Variants in GRM8 observed in about 807,000 individuals in gnomAD.
GRM8 encodes glutamate metabotropic receptor 8.
A neutral mutation model predicts 87.2 loss-of-function variants in GRM8; 47 were observed. The ratio of observed to expected loss-of-function variants is 0.54; its 90% CI spans 0.43 to 0.69. The LOEUF (loss-of-function observed/expected upper bound fraction) is 0.69, where lower values mean the gene tolerates loss of function less well. GRM8 is among the 30% of genes least tolerant of loss of function. GRM8 has a pLI of 0.00. For synonymous variants in GRM8, 396 were observed against 404.5 expected (o/e 0.98, Z 0.25); for missense variants, 1,019 against 1,139.2 (o/e 0.89, Z 1.52).
rs80149896 is a variant in GRM8, at chr7:127,198,605, C to T, written c.510+44090G>A. On this transcript the variant is annotated intron_variant, in intron 2 of 10. Transcript: ENST00000339582. ...GTGGGTTTTTGTTGTTTTGTTTGTC[C>T]ATTAGCCAAGTCAGAATATGACCTC... is the stretch of plus-strand genomic sequence containing the variant. Among the ~76,000 whole-genome samples the T allele has an allele frequency of 1.8e-3, 273 of 152,082 alleles. 1 individual carries two copies. Among genetic ancestry groups the T allele is most frequent in the African/African-American group, 6.1e-3 (254 of 41,490 alleles).
At chr7:126,743,608 T>A (rs1459567644) in intron 7 of GRM8, among the ~76,000 whole-genome samples, 1 of 152,182 alleles carries the variant, frequency 6.6e-6, no homozygotes, top group Non-Finnish European at 1.5e-5. Context: ...GTATTACTTT[T>A]AAAAAATTAT....
At chr7:126,776,767 C>T (rs912531365) in intron 6 of GRM8, among the ~76,000 whole-genome samples, 2 of 152,158 alleles carry the variant, frequency 1.3e-5, no homozygotes, top group African/African-American at 4.8e-5. Context: ...AACATGATCT[C>T]TCTGGCTTTT....
chr7:126,661,431 C>A (rs1056227373), intron 7 of GRM8, among the ~76,000 whole-genome samples: 1 of 152,050 alleles, frequency 6.6e-6, no homozygotes, highest in Non-Finnish European at 1.5e-5. Flanking sequence ...TCTAAGTGTA[C>A]CCTTGTAAAA....
intron 7 of GRM8, among the ~76,000 whole-genome samples, chr7:126,713,828 A>G (rs1315833273): frequency 2.6e-5 from 4 of 152,068 alleles, no homozygotes; most frequent in Non-Finnish European, 2.9e-5. Context: ...GGTAACCACT[A>G]CACACTGTAT....
chr7:126,461,607 T>C (rs1803906436), intron 9 of GRM8, among the ~76,000 whole-genome samples: 1 of 151,690 alleles, frequency 6.6e-6, no homozygotes, highest in South Asian at 2.1e-4. Flanking sequence ...TGAAACTGTC[T>C]TAACATTCAA....
intron 6 of GRM8, among the ~76,000 whole-genome samples, chr7:126,889,935 G>C (rs3873803): frequency 1.1e-3 from 162 of 152,108 alleles, no homozygotes; most frequent in Non-Finnish European, 1.8e-3. Context: ...TAGAAAATCC[G>C]ATCCAAAATG....
chr7:126,455,768 G>A (rs1454363386), intron 9 of GRM8, among the ~76,000 whole-genome samples: 1 of 151,662 alleles, frequency 6.6e-6, no homozygotes, highest in Non-Finnish European at 1.5e-5. Flanking sequence ...TTGCTGCATA[G>A]GCACCATTCC....
At chr7:126,791,704 C>T (rs1821352115) in intron 6 of GRM8, among the ~76,000 whole-genome samples, 2 of 152,180 alleles carry the variant, frequency 1.3e-5, no homozygotes, top group Admixed American at 6.5e-5. Flanking sequence ...GAAGAAATAG[C>T]TCTTGGTCAC....
chr7:127,243,172 G>A lies in GRM8; in HGVS notation c.33C>T (p.Cys11=). 1 of 1,611,852 alleles carries A rather than the reference G, an allele frequency of 6.2e-7. No individual in the cohort carries two copies. The change falls in exon 2 of 11, where the codon TGC becomes TGT. Residue 11 remains cysteine (C), a synonymous_variant. Transcript: ENST00000339582. Reference sequence around the variant, plus strand: ...TGGCGGTCAAGAGGAAGAAACAAGGGCAAGAGGCTGATCGCTTTCCCTCGC... The same window carrying A: ...TGGCGGTCAAGAGGAAGAAACAAGGACAAGAGGCTGATCGCTTTCCCTCGC... MVCEGKRSAS[C]PCFFLLTAKF...
chr7:126,912,386 T>C (rs946549337), intron 3 of GRM8, among the ~76,000 whole-genome samples: 3 of 152,174 alleles, frequency 2.0e-5, no homozygotes, highest in African/African-American at 7.2e-5. Context: ...ACATTGATCT[T>C]CTCCTGCTCT....
chr7:126,581,277 G>A (rs1795582667), intron 8 of GRM8, among the ~76,000 whole-genome samples: 1 of 152,152 alleles, frequency 6.6e-6, no homozygotes, highest in South Asian at 2.1e-4. Flanking sequence ...ATGCCCAAAA[G>A]GGTAGCAGAA....
intron 7 of GRM8, among the ~76,000 whole-genome samples, chr7:126,668,234 CCATT>C (rs1806002192): frequency 6.6e-6 from 1 of 152,154 alleles, no homozygotes; most frequent in Non-Finnish European, 1.5e-5. Flanking sequence ...ACTTTACTCA[CCATT>C]CAAACTGTTT....
intron 6 of GRM8, among the ~76,000 whole-genome samples, chr7:126,890,740 G>C (rs1218724869): frequency 6.6e-6 from 1 of 151,960 alleles, no homozygotes; most frequent in Non-Finnish European, 1.5e-5. Context: ...AGAGGATCAG[G>C]GTTGTAGAAT....
In GRM8 at chr7:126,784,896, G is replaced by A. The variant is rs186909180; in HGVS notation, c.1157-14831C>T. ...TCTAAACAATAAAGAACATGCCCAC[G>A]TACAGTGTAATGAATTTAGATGAAG... On this transcript the variant is annotated intron_variant, in intron 6 of 10. Transcript: ENST00000339582. Among the ~76,000 whole-genome samples, 63 of 152,242 alleles carry A rather than the reference G, an allele frequency of 4.1e-4. 1 individual carries two copies. In the East Asian group the frequency reaches 0.011, roughly 26 times the overall value.
chr7:126,918,812 T>C (rs777107717), intron 3 of GRM8, among the ~76,000 whole-genome samples: 2 of 152,206 alleles, frequency 1.3e-5, no homozygotes, highest in Non-Finnish European at 2.9e-5. Context: ...CTGCATTAAA[T>C]GGTATTGTTT....
At chr7:126,687,037 A>G (rs1369606297) in intron 7 of GRM8, among the ~76,000 whole-genome samples, 2 of 152,214 alleles carry the variant, frequency 1.3e-5, no homozygotes, top group Non-Finnish European at 2.9e-5. Context: ...ATACATACAC[A>G]GAAAACTGAA....
intron 2 of GRM8, among the ~76,000 whole-genome samples, chr7:127,118,635 C>T (rs1826844659): frequency 6.6e-6 from 1 of 152,122 alleles, no homozygotes; most frequent in South Asian, 2.1e-4. Flanking sequence ...AATGACTAAA[C>T]CATAATCTGG....
chr7:126,446,060 G>A, intron 10 of GRM8, 66 bp downstream of exon 10: 1 of 1,585,968 alleles, frequency 6.3e-7, no homozygotes, highest in Non-Finnish European at 8.7e-7. Flanking sequence ...GGAGAAGAAT[G>A]TTCAACGTAC....
intron 7 of GRM8, among the ~76,000 whole-genome samples, chr7:126,760,612 T>C (rs375243452): frequency 6.6e-6 from 1 of 152,186 alleles, no homozygotes; most frequent in Admixed American, 6.5e-5. Context: ...AAAATATTTA[T>C]AAATTTTTAA....
Sources: gnomAD v4.1 joint callset for allele counts (sites outside exome capture counted in the v4.1 genomes callset) on GRCh38, gnomAD v4.1.1 for gene constraint, MANE v1.5 for transcripts, NCBI Gene and HGNC (gene_info 2026-07-23, HGNC 2026-07-21) for gene names.